The following RPTOR variants were observed in gnomAD, a reference collection of about 807,000 sequenced individuals.
RPTOR encodes regulatory-associated protein of mTOR.
A neutral mutation model predicts 169.9 loss-of-function variants in RPTOR; 21 were observed. That is an observed-to-expected ratio of 0.12 (90% confidence interval 0.09 to 0.18). RPTOR has a LOEUF of 0.18. Among genes scored for constraint, RPTOR ranks in the 10% least tolerant of loss-of-function variants. The probability of loss-of-function intolerance (pLI) is 1.00; values close to 1 mark genes in which losing one functional copy is unlikely to be tolerated. For missense variants in RPTOR, 1,133 were observed against 1,855.9 expected, an observed-to-expected ratio of 0.61 and a Z score of 7.16; for synonymous variants, 732 against 753.2, an observed-to-expected ratio of 0.97 and a Z score of 0.46.
At chr17:80,755,095 G>C (rs576313292) in intron 6 of RPTOR, among the ~76,000 whole-genome samples, 42 of 151,822 alleles carry the variant, frequency 2.8e-4, no homozygotes, top group Admixed American at 7.2e-4. Flanking sequence ...GCAGCCTGAG[G>C]GGGGAGGAAA....
chr17:80,595,487 G>A (rs57595299), intron 1 of RPTOR, among the ~76,000 whole-genome samples: 9,019 of 152,140 alleles, frequency 0.059, 883 homozygotes, highest in African/African-American at 0.21. Flanking sequence ...ATGGGGTCTC[G>A]CTCATTCGCC....
chr17:80,653,880 C>T (rs1198871930), intron 3 of RPTOR, among the ~76,000 whole-genome samples: 1 of 152,222 alleles, frequency 6.6e-6, no homozygotes. Context: ...AAACCACCTC[C>T]TGACTTTCCT....
intron 1 of RPTOR, among the ~76,000 whole-genome samples, chr17:80,574,427 A>T (rs1472871075): frequency 6.6e-6 from 1 of 150,600 alleles, no homozygotes; most frequent in African/African-American, 2.4e-5. Flanking sequence ...CAGCCTCCCA[A>T]AGTGCTGGGA....
chr17:80,882,228 A>T (rs950554125), intron 14 of RPTOR, among the ~76,000 whole-genome samples: 1 of 152,230 alleles, frequency 6.6e-6, no homozygotes. Context: ...GAGGAGAATA[A>T]GTAGAGAAGC....
At chr17:80,925,306 T>G in intron 23 of RPTOR, 64 bp from the exon 24 acceptor site, 1 of 1,418,258 alleles carries the variant, frequency 7.1e-7, no homozygotes, top group Non-Finnish European at 9.8e-7. Context: ...TCTTTTGAGC[T>G]CAGGAGTGGC....
intron 20 of RPTOR, among the ~76,000 whole-genome samples, chr17:80,901,110 C>A (rs778838150): frequency 2.0e-5 from 3 of 152,192 alleles, no homozygotes; most frequent in Non-Finnish European, 4.4e-5. Context: ...ACTGCGGAGG[C>A]CCCGCCCAAC....
intron 4 of RPTOR, among the ~76,000 whole-genome samples, chr17:80,716,516 G>A (rs2066240893): frequency 6.6e-6 from 1 of 151,688 alleles, no homozygotes; most frequent in Non-Finnish European, 1.5e-5. Context: ...CACTCTGTGG[G>A]TTGTCTGTTT....
chr17:80,822,938 C>CGT (rs1264327017), intron 8 of RPTOR, 141 bp from the exon 9 acceptor site: 18 of 827,214 alleles, frequency 2.2e-5, no homozygotes, highest in Non-Finnish European at 3.4e-5. Flanking sequence ...TGTGTTTAAG[C>CGT]GTGTGTGTGT....
At chr17:80,582,113 T>C (rs1274831677) in intron 1 of RPTOR, among the ~76,000 whole-genome samples, 3 of 152,172 alleles carry the variant, frequency 2.0e-5, no homozygotes, top group East Asian at 1.9e-4. Flanking sequence ...ATCTCACTCA[T>C]TGAACATTCC....
At chr17:80,893,442 A>G (rs2333985) in intron 19 of RPTOR, among the ~76,000 whole-genome samples, 36,089 of 122,432 alleles carry the variant, frequency 0.29, 4,551 homozygotes, top group South Asian at 0.48. Flanking sequence ...GGGTGTGTGT[A>G]CTGGGTGTGT....
chr17:80,596,971 G>A lies in RPTOR; in HGVS notation c.163-28720G>A, dbSNP rs538714394. ...GGAGGCAGTGCTGGACAGCCGATTC[G>A]TTCAGCAGGTGTTGATTGTGTGCTG... On this transcript the variant is annotated intron_variant, in intron 1 of 33. Transcript: ENST00000306801. 7.2e-5 allele frequency among the ~76,000 whole-genome samples: 11 copies of A among 152,310 alleles called. No individual in the cohort carries two copies. The South Asian group carries it at 8.3e-4, about 11-fold the overall frequency.
intron 2 of RPTOR, among the ~76,000 whole-genome samples, chr17:80,640,477 C>A (rs1345251691): frequency 1.3e-5 from 2 of 152,238 alleles, no homozygotes; most frequent in East Asian, 3.8e-4. Context: ...TGGAAGGGAA[C>A]CATACAATTA....
chr17:80,724,761 T>G (rs1044317642), intron 4 of RPTOR, among the ~76,000 whole-genome samples: 1 of 152,190 alleles, frequency 6.6e-6, no homozygotes, highest in African/African-American at 2.4e-5. Context: ...CGTTCCCTCC[T>G]CTGCAGTGTC....
At chr17:80,716,783 G>A (rs1237337026) in intron 4 of RPTOR, among the ~76,000 whole-genome samples, 2 of 152,064 alleles carry the variant, frequency 1.3e-5, no homozygotes, top group Admixed American at 6.6e-5. Flanking sequence ...ATTCTCCTAC[G>A]TGTGACTTGC....
At chr17:80,747,299 C>G (rs1443502641) in intron 5 of RPTOR, among the ~76,000 whole-genome samples, 1 of 152,196 alleles carries the variant, frequency 6.6e-6, no homozygotes, top group East Asian at 1.9e-4. Context: ...GTCCATGCAC[C>G]CAGTAGTGTG....
intron 3 of RPTOR, among the ~76,000 whole-genome samples, chr17:80,664,934 C>T (rs2065752259): frequency 6.6e-6 from 1 of 152,142 alleles, no homozygotes; most frequent in African/African-American, 2.4e-5. Context: ...TCAAAAGGAA[C>T]AAAAATGTTT....
intron 3 of RPTOR, among the ~76,000 whole-genome samples, chr17:80,703,848 T>G (rs147211862): frequency 6.6e-6 from 1 of 152,338 alleles, no homozygotes; most frequent in African/African-American, 2.4e-5. Flanking sequence ...GCATAGGTAT[T>G]TGTTTTAATT....
At chr17:80,797,710 A>C (rs949741115) in intron 7 of RPTOR, among the ~76,000 whole-genome samples, 1 of 152,218 alleles carries the variant, frequency 6.6e-6, no homozygotes, top group Non-Finnish European at 1.5e-5. Context: ...CACTCCTATA[A>C]AAAATACCTC....
chr17:80,776,617 C>T (rs925009102), intron 6 of RPTOR, among the ~76,000 whole-genome samples: 1 of 152,180 alleles, frequency 6.6e-6, no homozygotes, highest in Non-Finnish European at 1.5e-5. Flanking sequence ...AGTCACTGTG[C>T]CCGGCGCTGC....
Sources: allele counts gnomAD v4.1 joint callset (sites outside exome capture counted in the v4.1 genomes callset), GRCh38; gene constraint gnomAD v4.1.1; transcripts MANE v1.5; gene names NCBI Gene and HGNC (gene_info 2026-07-23, HGNC 2026-07-21).